BCKDHB: variants seen among roughly 807,000 people sequenced by gnomAD.
BCKDHB encodes the protein 2-oxoisovalerate dehydrogenase subunit beta, mitochondrial.
In BCKDHB, 41 loss-of-function variants were observed where a neutral mutation model predicts 48.5. That is an observed-to-expected ratio of 0.85 (90% CI 0.66 to 1.10). The LOEUF is 1.10. Ranked by LOEUF, BCKDHB falls within the 50% of genes least tolerant of loss-of-function variation. The pLI is 0.00. For missense variants in BCKDHB, 496 were observed against 494.2 expected (o/e 1.00, Z -0.03); for synonymous variants, 201 against 174.8 (o/e 1.15, Z -1.18).
At chr6:80,264,554 G>C (rs1180652917) in intron 8 of BCKDHB, among the ~76,000 whole-genome samples, 1 of 151,974 alleles carries the variant, frequency 6.6e-6, no homozygotes, top group Non-Finnish European at 1.5e-5. Flanking sequence ...TAAGATTCTG[G>C]TTAGCTGATT....
intron 8 of BCKDHB, among the ~76,000 whole-genome samples, chr6:80,244,462 GA>G (rs1248213706): frequency 6.6e-6 from 1 of 152,128 alleles, no homozygotes; most frequent in African/African-American, 2.4e-5. Flanking sequence ...TTAATTATAA[GA>G]AAAAAATAAC....
At chr6:80,405,121 G>T in the BCKDHB span, among the ~76,000 whole-genome samples, 2,447 of 152,096 alleles carry the variant, frequency 0.016, 79 homozygotes, top group African/African-American at 0.055. Flanking sequence ...TCTACCTATT[G>T]TTGAAAGTGG....
intron 8 of BCKDHB, among the ~76,000 whole-genome samples, chr6:80,243,985 T>G (rs1294859539): frequency 6.6e-6 from 1 of 152,192 alleles, no homozygotes; most frequent in Non-Finnish European, 1.5e-5. Context: ...TTTATTTCAG[T>G]AAACTGAAAA....
chr6:80,147,655 C>T (rs547512035), intron 3 of BCKDHB, among the ~76,000 whole-genome samples: 2 of 152,194 alleles, frequency 1.3e-5, no homozygotes, highest in South Asian at 2.1e-4. Flanking sequence ...CTTCGGTGTG[C>T]GTCAGAGGCC....
chr6:80,323,084 A>C (rs1395301138), intron 9 of BCKDHB, among the ~76,000 whole-genome samples: 2 of 152,084 alleles, frequency 1.3e-5, no homozygotes, highest in East Asian at 3.9e-4. Flanking sequence ...TGGACTAGTC[A>C]CTTACCTTTC....
At chr6:80,160,572 A>G (rs1187347777) in intron 3 of BCKDHB, among the ~76,000 whole-genome samples, 3 of 152,158 alleles carry the variant, frequency 2.0e-5, no homozygotes, top group African/African-American at 7.2e-5. Context: ...CCCATTTCTA[A>G]TTGCTTAGCA....
At chr6:80,340,567 C>T (rs2128017544) in intron 9 of BCKDHB, among the ~76,000 whole-genome samples, 1 of 152,246 alleles carries the variant, frequency 6.6e-6, no homozygotes, top group Admixed American at 6.5e-5. Flanking sequence ...TTACTTAATT[C>T]CCAATTTATG....
At chr6:80,227,383 A>G (rs1325818699) in intron 8 of BCKDHB, among the ~76,000 whole-genome samples, 1 of 152,184 alleles carries the variant, frequency 6.6e-6, no homozygotes, top group Non-Finnish European at 1.5e-5. Context: ...CCTCCAAATT[A>G]TCTCGTTTCC....
At chr6:80,314,082 G>A (rs1021219237) in intron 9 of BCKDHB, among the ~76,000 whole-genome samples, 3 of 152,198 alleles carry the variant, frequency 2.0e-5, no homozygotes, top group African/African-American at 7.2e-5. Context: ...ATGGTTTTGA[G>A]TGATTTTCTT....
the BCKDHB span, among the ~76,000 whole-genome samples, chr6:80,427,538 T>C: frequency 6.6e-6 from 1 of 152,200 alleles, no homozygotes; most frequent in Non-Finnish European, 1.5e-5. Context: ...TCCACATGTT[T>C]ACTATTTGCA....
intron 9 of BCKDHB, among the ~76,000 whole-genome samples, chr6:80,274,302 T>C (rs575607981): frequency 1.3e-5 from 2 of 152,146 alleles, no homozygotes; most frequent in East Asian, 3.9e-4. Context: ...ATTTTTACAA[T>C]TTATATGTAG....
chr6:80,117,479 C>T (rs1769764970), intron 1 of BCKDHB, among the ~76,000 whole-genome samples: 1 of 152,180 alleles, frequency 6.6e-6, no homozygotes, highest in Non-Finnish European at 1.5e-5. Context: ...TGGGAATAGG[C>T]CCCCAAATCT....
chr6:80,139,904 A>G (rs1366013855), intron 3 of BCKDHB, among the ~76,000 whole-genome samples: 4 of 152,110 alleles, frequency 2.6e-5, no homozygotes, highest in Admixed American at 6.5e-5. Context: ...CAGTATGGCC[A>G]TTTTCACGAT....
rs543049099 is a variant in BCKDHB, at chr6:80,187,750, A to G, written c.743-13184A>G. Among the ~76,000 whole-genome samples, 10 of 152,332 alleles carry G rather than the reference A, an allele frequency of 6.6e-5. No individual in the cohort carries two copies. In the East Asian group the frequency reaches 1.7e-3, roughly 26 times the overall value. ...AATGCTCAACATCACCCATCATTAG[A>G]GAAATGCAAATCAAAACCACAGTGA... On this transcript the variant is annotated intron_variant, in intron 6 of 9. Coordinates refer to ENST00000320393, the MANE Select transcript of BCKDHB (RefSeq NM_183050.4).
At chr6:80,382,754 C>G in the BCKDHB span, among the ~76,000 whole-genome samples, 1 of 152,004 alleles carries the variant, frequency 6.6e-6, no homozygotes, top group African/African-American at 2.4e-5. Flanking sequence ...AACCAATGTG[C>G]CAATAAATGA....
chr6:80,346,642 C>T (rs999816236), downstream of BCKDHB, among the ~76,000 whole-genome samples: 7 of 152,064 alleles, frequency 4.6e-5, no homozygotes, highest in South Asian at 2.1e-4. Context: ...TAGTGTTTGT[C>T]GTGATGTTGC....
chr6:80,289,547 A>T (rs654435), intron 9 of BCKDHB, among the ~76,000 whole-genome samples: 121,245 of 151,854 alleles, frequency 0.8, 48,582 homozygotes, highest in Admixed American at 0.87. Context: ...CAATGTTAAA[A>T]TGAAGGGTGA....
intron 1 of BCKDHB, among the ~76,000 whole-genome samples, chr6:80,118,076 A>G (rs1404265439): frequency 1.3e-5 from 2 of 152,136 alleles, no homozygotes; most frequent in Non-Finnish European, 2.9e-5. Flanking sequence ...GATTGGGAAA[A>G]ATGTTTACCC....
the BCKDHB span, chr6:80,462,765 T>C: frequency 3.3e-5 from 5 of 152,206 alleles, no homozygotes; most frequent in Non-Finnish European, 7.3e-5. Flanking sequence ...CTCCATGAAT[T>C]TGTGGGAATC....
Sources: allele counts gnomAD v4.1 joint callset (sites outside exome capture counted in the v4.1 genomes callset), GRCh38; gene constraint gnomAD v4.1.1; transcripts MANE v1.5; gene names NCBI Gene and HGNC (gene_info 2026-07-23, HGNC 2026-07-21).